CDH13: variants seen among roughly 807,000 people sequenced by gnomAD.
CDH13 encodes the protein cadherin-13.
A neutral mutation model predicts 63.8 loss-of-function variants in CDH13; 24 were observed. The observed-to-expected ratio is 0.38, with a 90% CI of 0.27 to 0.53. The LOEUF (loss-of-function observed/expected upper bound fraction) is 0.53, where lower values mean the gene tolerates loss of function less well. CDH13 is among the 20% of genes least tolerant of loss of function. The probability of loss-of-function intolerance (pLI) is 0.85; values close to 1 mark genes in which losing one functional copy is unlikely to be tolerated. For synonymous variants in CDH13, 503 were observed against 355.3 expected (o/e 1.42, Z -4.67); for missense variants, 1,049 against 903.1 (o/e 1.16, Z -2.07).
chr16:82,790,195 G>A (rs2036230239), intron 1 of CDH13, among the ~76,000 whole-genome samples: 1 of 152,198 alleles, frequency 6.6e-6, no homozygotes, highest in East Asian at 1.9e-4. Flanking sequence ...CCAGCCCTTT[G>A]GGAGGCCGAG....
rs2035737581 is a variant in CDH13, at chr16:83,124,781, G to T, written c.367-604G>T. Among the ~76,000 whole-genome samples, 3 of 152,088 alleles carry T rather than the reference G, an allele frequency of 2.0e-5. No homozygotes were observed. The South Asian group carries it at 6.2e-4, about 31-fold the overall frequency. ...AGGCCAACACCATTTATTGAATAGA[G>T]CGTCATTTCCCTATCATATATTTTT... On this transcript the variant is annotated intron_variant, in intron 3 of 13. Coordinates refer to ENST00000567109, the MANE Select transcript of CDH13 (RefSeq NM_001257.5).
intron 1 of CDH13, among the ~76,000 whole-genome samples, chr16:82,840,710 A>AG (rs1431823016): frequency 6.6e-6 from 1 of 151,592 alleles, no homozygotes; most frequent in African/African-American, 2.4e-5. Flanking sequence ...AAAGAAAAAA[A>AG]CTTGCATAAT....
intron 1 of CDH13, among the ~76,000 whole-genome samples, chr16:82,745,981 C>G (rs1175528260): frequency 1.4e-4 from 21 of 151,888 alleles, no homozygotes; most frequent in Admixed American, 1.4e-3. Flanking sequence ...ATATTTAATA[C>G]CATCAAAATA....
intron 2 of CDH13, among the ~76,000 whole-genome samples, chr16:82,867,087 C>T (rs1003826550): frequency 6.6e-6 from 1 of 152,186 alleles, no homozygotes; most frequent in Non-Finnish European, 1.5e-5. Context: ...TTGAGGGCCA[C>T]CTCGAACCTC....
At chr16:83,250,209 T>A (rs912455872) in intron 5 of CDH13, among the ~76,000 whole-genome samples, 17 of 152,116 alleles carry the variant, frequency 1.1e-4, no homozygotes, top group Non-Finnish European at 2.2e-4. Flanking sequence ...ATTGCCACTA[T>A]CAGAAAAAAA....
chr16:83,778,695 C>G (rs1915291026), intron 11 of CDH13, among the ~76,000 whole-genome samples: 1 of 152,180 alleles, frequency 6.6e-6, no homozygotes, highest in Non-Finnish European at 1.5e-5. Context: ...TGCTTCTATG[C>G]CCCTGTAGCC....
intron 2 of CDH13, among the ~76,000 whole-genome samples, chr16:82,860,317 T>C (rs2039884565): frequency 2.1e-5 from 3 of 145,566 alleles, no homozygotes; most frequent in Non-Finnish European, 3.0e-5. Context: ...ACAATCATAC[T>C]TTGGGGGGAT....
intron 2 of CDH13, among the ~76,000 whole-genome samples, chr16:82,878,104 C>A (rs1040531295): frequency 6.6e-6 from 1 of 152,020 alleles, no homozygotes; most frequent in East Asian, 1.9e-4. Flanking sequence ...TGGAATCAGC[C>A]TCAGAAGCCA....
At chr16:83,349,807 G>T (rs964256264) in intron 6 of CDH13, among the ~76,000 whole-genome samples, 4 of 151,920 alleles carry the variant, frequency 2.6e-5, no homozygotes, top group Non-Finnish European at 4.4e-5. Context: ...CACCACATTG[G>T]CCAGGCTGGT....
At chr16:82,766,683 T>C (rs1312580109) in intron 1 of CDH13, among the ~76,000 whole-genome samples, 1 of 152,224 alleles carries the variant, frequency 6.6e-6, no homozygotes, top group African/African-American at 2.4e-5. Flanking sequence ...TATATCATTA[T>C]CCAATATATT....
chr16:82,927,005 G>C (rs1467648051), intron 2 of CDH13, among the ~76,000 whole-genome samples: 1 of 140,160 alleles, frequency 7.1e-6, no homozygotes, highest in Non-Finnish European at 1.6e-5. Flanking sequence ...GTGTCAGTTA[G>C]GGTAGCTTGA....
chr16:83,698,443 C>G (rs369326803), intron 10 of CDH13, among the ~76,000 whole-genome samples: 2 of 152,340 alleles, frequency 1.3e-5, no homozygotes, highest in South Asian at 2.1e-4. Context: ...GATGAACCTC[C>G]CTGAGGCCAC....
At chr16:83,275,474 C>T (rs2088958449) in intron 5 of CDH13, among the ~76,000 whole-genome samples, 1 of 152,182 alleles carries the variant, frequency 6.6e-6, no homozygotes, top group South Asian at 2.1e-4. Flanking sequence ...CATTAGTGCT[C>T]ATGCAGGCTT....
At chr16:83,687,960 C>T (rs1445605562) in intron 10 of CDH13, among the ~76,000 whole-genome samples, 1 of 152,180 alleles carries the variant, frequency 6.6e-6, no homozygotes, top group East Asian at 1.9e-4. Context: ...TTTTTTAAGT[C>T]GTTTCCTTCC....
chr16:83,299,499 G>A (rs577337704), intron 5 of CDH13, among the ~76,000 whole-genome samples: 6 of 152,222 alleles, frequency 3.9e-5, no homozygotes, highest in South Asian at 4.1e-4. Context: ...CTGCTTTTCC[G>A]TGGCATGTCA....
intron 7 of CDH13, among the ~76,000 whole-genome samples, chr16:83,516,683 A>G (rs1205378034): frequency 6.6e-6 from 1 of 152,110 alleles, no homozygotes; most frequent in African/African-American, 2.4e-5. Context: ...GTAAGTACCT[A>G]CTCTCTTCCA....
chr16:82,932,308 G>T (rs932162544), intron 2 of CDH13, among the ~76,000 whole-genome samples: 4 of 152,046 alleles, frequency 2.6e-5, no homozygotes, highest in African/African-American at 9.7e-5. Context: ...TATTGTATTT[G>T]TTTGTTTGCT....
intron 2 of CDH13, among the ~76,000 whole-genome samples, chr16:82,898,294 G>T (rs950052723): frequency 6.6e-6 from 1 of 152,154 alleles, no homozygotes; most frequent in Non-Finnish European, 1.5e-5. Context: ...GGAGGCCAAG[G>T]TGGGTGGATC....
chr16:83,406,360 G>C (rs1246610455), intron 6 of CDH13, among the ~76,000 whole-genome samples: 1 of 151,986 alleles, frequency 6.6e-6, no homozygotes, highest in African/African-American at 2.4e-5. Flanking sequence ...TCAAGTCTTT[G>C]TCTCAGGCTC....
Sources: gnomAD v4.1 joint callset for allele counts (sites outside exome capture counted in the v4.1 genomes callset) on GRCh38, gnomAD v4.1.1 for gene constraint, MANE v1.5 for transcripts, NCBI Gene and HGNC (gene_info 2026-07-23, HGNC 2026-07-21) for gene names.